PLCL2: variants seen among roughly 807,000 people sequenced by gnomAD.
PLCL2 encodes phospholipase C like 2.
Under a neutral mutation model 79.6 loss-of-function variants are expected in PLCL2, and 4 were observed. The ratio of observed to expected loss-of-function variants is 0.05; its 90% CI spans 0.02 to 0.11. PLCL2 has a LOEUF of 0.11. Ranked by LOEUF, PLCL2 falls within the 10% of genes least tolerant of loss-of-function variation. The pLI is 1.00. For missense variants in PLCL2, 895 were observed against 1,291.0 expected, an observed-to-expected ratio of 0.69 and a Z score of 4.70; for synonymous variants, 484 against 457.7, an observed-to-expected ratio of 1.06 and a Z score of -0.73.
intron 1 of PLCL2, among the ~76,000 whole-genome samples, chr3:16,996,096 A>G (rs969580848): frequency 6.6e-6 from 1 of 152,148 alleles, no homozygotes; most frequent in Non-Finnish European, 1.5e-5. Context: ...TAGATATCCT[A>G]CTCTGGGAAG....
At position 17,047,075 on chromosome 3, in the gene PLCL2, A is replaced by G. The variant is rs147054630; in HGVS notation, c.3094+4126A>G. On this transcript the variant is annotated intron_variant, in intron 4 of 5. Coordinates refer to ENST00000615277, the MANE Select transcript of PLCL2 (RefSeq NM_001144382.2). Reference sequence around the variant, plus strand: ...TACTAAGGAAGGGAAACAATCAGCTAAAGGCATTGAATGTGACTGCTTCTG... The same window carrying G: ...TACTAAGGAAGGGAAACAATCAGCTGAAGGCATTGAATGTGACTGCTTCTG... 4.4e-3 allele frequency among the ~76,000 whole-genome samples: 671 copies of G among 152,358 alleles called. 3 individuals carry two copies. The highest frequency in any genetic ancestry group is 7.2e-3 in the Non-Finnish European group (488 of 68,034).
intron 1 of PLCL2, among the ~76,000 whole-genome samples, chr3:16,993,803 C>G (rs2064126818): frequency 6.6e-6 from 1 of 152,184 alleles, no homozygotes; most frequent in Non-Finnish European, 1.5e-5. Context: ...AGTTCCAACT[C>G]TCAAAACTAC....
At chr3:17,062,740 A>G (rs1438143001) in intron 4 of PLCL2, among the ~76,000 whole-genome samples, 1 of 152,222 alleles carries the variant, frequency 6.6e-6, no homozygotes, top group Non-Finnish European at 1.5e-5. Context: ...ATGTGTTGGT[A>G]TAGTGTTTGG....
intron 1 of PLCL2, among the ~76,000 whole-genome samples, chr3:16,929,014 G>C (rs1371875419): frequency 6.6e-6 from 1 of 152,104 alleles, no homozygotes; most frequent in African/African-American, 2.4e-5. Flanking sequence ...GATTGGGCAG[G>C]GGGGTGGTGG....
At chr3:16,924,349 A>G (rs1361627085) in intron 1 of PLCL2, among the ~76,000 whole-genome samples, 3 of 152,216 alleles carry the variant, frequency 2.0e-5, no homozygotes, top group African/African-American at 7.2e-5. Flanking sequence ...TTTATCATAT[A>G]TGTCCATTGA....
In PLCL2 at chr3:16,886,542, T is replaced by C. The variant is rs1042994241; in HGVS notation, c.327+1176T>C. ...CTAGTGAAATATACCATCTTGCTAC[T>C]CTATGTAAGAGGCAATTGTGAAACT... On this transcript the variant is annotated intron_variant, in intron 1 of 5. Coordinates refer to ENST00000615277, the MANE Select transcript of PLCL2 (RefSeq NM_001144382.2). This position sits in a 1 kb window ranked among gnomAD's most constrained non-coding sequence, Gnocchi z 4.2. Among the ~76,000 whole-genome samples, 1 of 152,234 alleles carries C rather than the reference T, an allele frequency of 6.6e-6. No individual in the cohort carries two copies. Among genetic ancestry groups the C allele is most frequent in the Non-Finnish European group, 1.5e-5 (1 of 68,046 alleles).
At chr3:16,963,498 G>A (rs1426779141) in intron 1 of PLCL2, among the ~76,000 whole-genome samples, 1 of 152,080 alleles carries the variant, frequency 6.6e-6, no homozygotes, top group African/African-American at 2.4e-5. Context: ...AAAATTGCAT[G>A]TTCTGATCCT....
intron 1 of PLCL2, among the ~76,000 whole-genome samples, chr3:16,996,318 C>T (rs1411453987): frequency 2.0e-5 from 3 of 152,132 alleles, no homozygotes; most frequent in South Asian, 2.1e-4. Flanking sequence ...GCGAGACTGA[C>T]ACCACATCCT....
At chr3:17,051,546 A>G (rs1033484789) in intron 4 of PLCL2, among the ~76,000 whole-genome samples, 1 of 152,182 alleles carries the variant, frequency 6.6e-6, no homozygotes, top group East Asian at 1.9e-4. Flanking sequence ...CTGGGGGGAA[A>G]AAAAAGTCAC....
intron 1 of PLCL2, among the ~76,000 whole-genome samples, chr3:16,924,136 G>C (rs762585793): frequency 6.6e-6 from 1 of 152,064 alleles, no homozygotes; most frequent in African/African-American, 2.4e-5. Flanking sequence ...TTTACTAGTT[G>C]CCTTTTTTCC....
At chr3:16,941,204 A>T (rs560543108) in intron 1 of PLCL2, among the ~76,000 whole-genome samples, 1 of 151,980 alleles carries the variant, frequency 6.6e-6, no homozygotes, top group Non-Finnish European at 1.5e-5. Flanking sequence ...ATTTATCTCT[A>T]TTGCCTGCTG....
chr3:16,966,658 T>A (rs777952584), intron 1 of PLCL2, among the ~76,000 whole-genome samples: 1 of 152,084 alleles, frequency 6.6e-6, no homozygotes, highest in East Asian at 1.9e-4. Flanking sequence ...ACTTTTTTTT[T>A]GGTTAGTATG....
chr3:16,946,151 T>C (rs190606556), intron 1 of PLCL2, among the ~76,000 whole-genome samples: 6 of 152,136 alleles, frequency 3.9e-5, no homozygotes, highest in Admixed American at 2.6e-4. Flanking sequence ...AAGACTTAAA[T>C]TGAATATTGG....
chr3:17,035,694 A>G (rs2064641664), intron 3 of PLCL2: 1 of 453,466 alleles, frequency 2.2e-6, no homozygotes, highest in Non-Finnish European at 4.3e-6. Flanking sequence ...ATTAAATTCA[A>G]ACTCTGCAGT....
chr3:17,048,793 A>G (rs1002642369), intron 4 of PLCL2, among the ~76,000 whole-genome samples: 2 of 152,198 alleles, frequency 1.3e-5, no homozygotes, highest in African/African-American at 2.4e-5. Flanking sequence ...GTGATCTCTC[A>G]CAGTTACGGC....
At chr3:16,911,941 A>G (rs1009942184) in intron 1 of PLCL2, among the ~76,000 whole-genome samples, 2 of 152,210 alleles carry the variant, frequency 1.3e-5, no homozygotes, top group Admixed American at 6.5e-5. Context: ...ATTGTATAAA[A>G]TTACCTTCAG....
chr3:17,004,802 T>C (rs911618498), intron 1 of PLCL2, among the ~76,000 whole-genome samples: 1 of 152,180 alleles, frequency 6.6e-6, no homozygotes, highest in South Asian at 2.1e-4. Flanking sequence ...TTTGTATTGT[T>C]GTGTAAAAGA....
chr3:17,027,793 G>A (rs1001978205), intron 3 of PLCL2, among the ~76,000 whole-genome samples: 6 of 152,118 alleles, frequency 3.9e-5, no homozygotes, highest in Non-Finnish European at 5.9e-5. Context: ...AAAGCAATGA[G>A]CCTGAATATG....
chr3:17,055,984 C>T (rs1409267305), intron 4 of PLCL2, among the ~76,000 whole-genome samples: 1 of 152,132 alleles, frequency 6.6e-6, no homozygotes, highest in Non-Finnish European at 1.5e-5. Flanking sequence ...GACACTTGCC[C>T]TTCCCGGGGT....
Sources: allele counts gnomAD v4.1 joint callset (sites outside exome capture counted in the v4.1 genomes callset), GRCh38; gene constraint gnomAD v4.1.1; non-coding constraint Gnocchi (gnomAD v3.1); transcripts MANE v1.5; gene names NCBI Gene and HGNC (gene_info 2026-07-23, HGNC 2026-07-21).